PDCD2L: variants seen among roughly 807,000 people sequenced by gnomAD.
The protein encoded by PDCD2L is programmed cell death 2 like.
In PDCD2L, 44 loss-of-function variants were observed where a neutral mutation model predicts 40.4. The observed-to-expected ratio is 1.09, with a 90% CI of 0.86 to 1.40. The LOEUF (loss-of-function observed/expected upper bound fraction) is 1.40, where lower values mean the gene tolerates loss of function less well. Among genes scored for constraint, PDCD2L ranks in the 40% most tolerant of loss-of-function variants. PDCD2L has a pLI of 0.00. For missense variants in PDCD2L, 470 were observed against 453.7 expected (o/e 1.04, Z -0.33); for synonymous variants, 194 against 174.6 (o/e 1.11, Z -0.88).
chr19:34,421,656 G>A lies in PDCD2L; in HGVS notation c.935G>A (p.Ser312Asn). 2 of 1,610,672 alleles carry A rather than the reference G, an allele frequency of 1.2e-6. No individual in the cohort carries two copies. Among genetic ancestry groups the A allele is most frequent in the South Asian group, 1.1e-5 (1 of 90,138 alleles). The change falls in exon 6 of 7, where the codon AGT (serine) becomes AAT (asparagine). Residue 312 changes from serine to asparagine, a missense_variant. Transcript: ENST00000246535. ...LMPALVSMLK[S>N]ANLGLSVEFG... is the part of the protein sequence containing the mutation. ...CCAGCACTGGTCAGCATGCTCAAGAGTGCTAATTTAGGTGAGAAGCCCTTT... is the reference window on the plus strand; with the variant it reads ...CCAGCACTGGTCAGCATGCTCAAGAATGCTAATTTAGGTGAGAAGCCCTTT...
chr19:34,408,913 G>A (rs895156911), intron 3 of PDCD2L, among the ~76,000 whole-genome samples: 4 of 152,100 alleles, frequency 2.6e-5, no homozygotes, highest in Admixed American at 2.0e-4. Context: ...ATATTGGAAC[G>A]GATGGTTGAA....
rs181216678 is a variant in PDCD2L at position 34,404,984 on chromosome 19, C to G, written c.330C>G (p.Asp110Glu). The change falls in exon 3 of 7, where the codon GAC becomes GAG. Residue 110 changes from aspartate to glutamate, a missense_variant. Transcript: ENST00000246535. ...AGGTGCCAGAGAGAGAGGCGCAGGA[C>G]GCTCAGGTAAAGGTTGTGATTGGCA... ...CLQVPEREAQ[D>E]AQKQGNSLAA... 75 of 1,614,088 alleles carry G rather than the reference C, an allele frequency of 4.6e-5. No homozygotes were observed. Among genetic ancestry groups the G allele is most frequent in the Non-Finnish European group, 5.8e-5 (68 of 1,180,012 alleles).
At chr19:34,416,280 A>G (rs1232784011) in intron 5 of PDCD2L, among the ~76,000 whole-genome samples, 1 of 152,154 alleles carries the variant, frequency 6.6e-6, no homozygotes, top group Admixed American at 6.6e-5. Context: ...GAGAGTTTGC[A>G]TCTCCTAATG....
At chr19:34,424,397 C>G (rs902205547) in intron 6 of PDCD2L, among the ~76,000 whole-genome samples, 1 of 151,932 alleles carries the variant, frequency 6.6e-6, no homozygotes, top group African/African-American at 2.4e-5. Context: ...GAGGAGAGAC[C>G]GAAGCAAATT....
At chr19:34,405,919 AAAG>A (rs2075072798) in intron 3 of PDCD2L, among the ~76,000 whole-genome samples, 1 of 152,042 alleles carries the variant, frequency 6.6e-6, no homozygotes, top group Non-Finnish European at 1.5e-5. Flanking sequence ...AAACAAAACA[AAAG>A]AAAAAAAAAA....
intron 5 of PDCD2L, 71 bp downstream of exon 5, chr19:34,413,918 C>T (rs1178870593): frequency 1.9e-6 from 2 of 1,027,334 alleles, no homozygotes; most frequent in East Asian, 5.0e-5. Context: ...TTGGAAAACA[C>T]AGGAAAATAT....
rs552807659 is a variant in PDCD2L at position 34,416,085 on chromosome 19, T to A, written c.797+2238T>A. On this transcript the variant is annotated intron_variant, in intron 5 of 6. Coordinates refer to ENST00000246535, the MANE Select transcript of PDCD2L (RefSeq NM_032346.2). The stretch of plus-strand genomic sequence containing the variant: ...ACAGGCATGTGCCAACATACCCGGC[T>A]AATTTTTGTATTTTTATTAGAGATG... Among the ~76,000 whole-genome samples the A allele has an allele frequency of 2.1e-3, 323 of 152,330 alleles. 2 individuals carry two copies. The highest frequency in any genetic ancestry group is 6.8e-3 in the Middle Eastern group (2 of 294).
chr19:34,408,520 G>A (rs1381724890), intron 3 of PDCD2L, among the ~76,000 whole-genome samples: 3 of 152,160 alleles, frequency 2.0e-5, no homozygotes, highest in Non-Finnish European at 4.4e-5. Context: ...ACTTAACACA[G>A]GAGTGAGGTT....
chr19:34,415,716 C>A (rs367934773), intron 5 of PDCD2L, among the ~76,000 whole-genome samples: 1 of 152,214 alleles, frequency 6.6e-6, no homozygotes, highest in East Asian at 1.9e-4. Context: ...GGCTTAGTAC[C>A]ATAAAACTCA....
At chr19:34,404,901 C>T (rs776298242) in intron 2 of PDCD2L, 29 bp from the exon 3 acceptor site, 2 of 1,613,670 alleles carry the variant, frequency 1.2e-6, no homozygotes, top group South Asian at 1.1e-5. Flanking sequence ...GGGGTGCAGC[C>T]CTCACGGCCC....
At chr19:34,406,385 C>CTT (rs1401342211) in intron 3 of PDCD2L, among the ~76,000 whole-genome samples, 1 of 150,954 alleles carries the variant, frequency 6.6e-6, no homozygotes, top group Non-Finnish European at 1.5e-5. Flanking sequence ...ACACAATACT[C>CTT]TTATTTTTTT....
At chr19:34,421,838 C>T (rs1473304445) in intron 6 of PDCD2L, 171 bp downstream of exon 6, 6 of 690,230 alleles carry the variant, frequency 8.7e-6, no homozygotes, top group Non-Finnish European at 1.3e-5. Context: ...GCCTGTAATC[C>T]CAGCACTTTG....
intron 3 of PDCD2L, among the ~76,000 whole-genome samples, chr19:34,407,602 C>CT (rs371237726): frequency 4.5e-4 from 65 of 144,996 alleles, no homozygotes; most frequent in Middle Eastern, 3.6e-3. Context: ...ACAGAATTTC[C>CT]TTTTTTTTTT....
Position 34,409,219 on chromosome 19 carries a change from G to A in PDCD2L, c.395G>A (p.Ser132Asn). 1 of 1,614,214 alleles carries A rather than the reference G, an allele frequency of 6.2e-7. No individual in the cohort carries two copies. Among genetic ancestry groups the A allele is most frequent in the Non-Finnish European group, 8.5e-7 (1 of 1,180,036 alleles). ...DWCEGADDWGSDTEEGPSPQF... is the reference protein window; with the variant it reads ...DWCEGADDWGNDTEEGPSPQF... Reference sequence around the variant, plus strand: ...TGTGAAGGTGCTGATGACTGGGGAAGTGATACTGAGGAGGGGCCTTCACCA... The same window carrying A: ...TGTGAAGGTGCTGATGACTGGGGAAATGATACTGAGGAGGGGCCTTCACCA... Residue 132 changes from serine (S) to asparagine (N), a missense_variant, in exon 4 of 7, where the codon AGT (serine) becomes AAT (asparagine). Coordinates refer to ENST00000246535, the MANE Select transcript of PDCD2L (RefSeq NM_032346.2).
chr19:34,410,109 TTGAC>T (rs2075095274), intron 4 of PDCD2L, among the ~76,000 whole-genome samples: 1 of 152,170 alleles, frequency 6.6e-6, no homozygotes, highest in South Asian at 2.1e-4. Context: ...TGCTTATTGA[TTGAC>T]TGAGAGAGAC....
At chr19:34,414,936 G>A (rs1457472623) in intron 5 of PDCD2L, among the ~76,000 whole-genome samples, 1 of 151,650 alleles carries the variant, frequency 6.6e-6, no homozygotes, top group East Asian at 2.0e-4. Flanking sequence ...AGAACTACAG[G>A]AGTGTGCCAC....
At chr19:34,405,184 T>G (rs1245811876) in intron 3 of PDCD2L, among the ~76,000 whole-genome samples, 194 bp downstream of exon 3, 1 of 147,810 alleles carries the variant, frequency 6.8e-6, no homozygotes, top group Non-Finnish European at 1.5e-5. Context: ...TTTCGCTCTG[T>G]CGCCCAGGCT....
Position 34,404,773 on chromosome 19 carries a change from T to A in PDCD2L, c.233T>A (p.Phe78Tyr). ...CCGTTTCACCGTCTGCTGCACGTGT[T>A]CGCGTGCGCCTGCCCCGGCTGTAGC... ...GSPFHRLLHV[F>Y]ACACPGCSTG... The change falls in exon 2 of 7, where the codon TTC becomes TAC. Residue 78 changes from phenylalanine to tyrosine, a missense_variant. By Grantham distance (22) the Phe-to-Tyr change is conservative. Coordinates refer to ENST00000246535, the MANE Select transcript of PDCD2L (RefSeq NM_032346.2). 1 of 1,608,560 alleles carries A rather than the reference T, an allele frequency of 6.2e-7. No homozygotes were observed. Among genetic ancestry groups the A allele is most frequent in the South Asian group, 1.1e-5 (1 of 90,580 alleles).
intron 3 of PDCD2L, among the ~76,000 whole-genome samples, chr19:34,405,917 CAAA>C (rs2075072763): frequency 6.7e-6 from 1 of 149,900 alleles, no homozygotes; most frequent in Non-Finnish European, 1.5e-5. Context: ...CAAAACAAAA[CAAA>C]AGAAAAAAAA....
Sources: allele counts gnomAD v4.1 joint callset (sites outside exome capture counted in the v4.1 genomes callset), GRCh38; gene constraint gnomAD v4.1.1; transcripts MANE v1.5; gene names NCBI Gene and HGNC (gene_info 2026-07-23, HGNC 2026-07-21).